Variants in KIAA1217 observed in about 807,000 individuals in gnomAD.
The protein encoded by KIAA1217 is KIAA1217.
In KIAA1217, 88 loss-of-function variants were observed where a neutral mutation model predicts 163.9. The observed-to-expected ratio is 0.54, with a 90% confidence interval of 0.45 to 0.64. The LOEUF is 0.64. Among genes scored for constraint, KIAA1217 ranks in the 30% least tolerant of loss-of-function variants. KIAA1217 has a pLI of 0.00. For missense variants in KIAA1217, 2,372 were observed against 2,475.0 expected (o/e 0.96, Z 0.88); for synonymous variants, 903 against 923.1 (o/e 0.98, Z 0.39).
At chr10:23,911,986 G>A (rs1842451026) in intron 1 of KIAA1217, among the ~76,000 whole-genome samples, 1 of 152,142 alleles carries the variant, frequency 6.6e-6, no homozygotes, top group South Asian at 2.1e-4. Context: ...GTAGGAGGCA[G>A]CCACTTAGCT....
intron 2 of KIAA1217, among the ~76,000 whole-genome samples, chr10:24,309,872 A>G (rs938234280): frequency 6.6e-6 from 1 of 152,200 alleles, no homozygotes; most frequent in African/African-American, 2.4e-5. Flanking sequence ...GCTACCACAA[A>G]GAGGGGCTTC....
chr10:23,717,987 T>C lies in KIAA1217; in HGVS notation c.-321+22753T>C, dbSNP rs12246236. Among the ~76,000 whole-genome samples, 1,104 of 152,360 alleles carry C rather than the reference T, an allele frequency of 7.2e-3. 20 individuals carry two copies. The highest frequency in any genetic ancestry group is 0.025 in the African/African-American group (1,059 of 41,588). ...TTTTTATAGCAATTACATAATTTTCTTGAATCATATTTTAGTGTAAAAATG... is the reference window on the plus strand; with the variant it reads ...TTTTTATAGCAATTACATAATTTTCCTGAATCATATTTTAGTGTAAAAATG... On this transcript the variant is annotated intron_variant, in intron 1 of 18. Transcript: ENST00000376462.
At chr10:23,757,677 C>G (rs1363705154) in intron 1 of KIAA1217, among the ~76,000 whole-genome samples, 1 of 152,086 alleles carries the variant, frequency 6.6e-6, no homozygotes, top group East Asian at 1.9e-4. Flanking sequence ...GCCACCACAC[C>G]TGGCTAATTT....
intron 1 of KIAA1217, among the ~76,000 whole-genome samples, chr10:23,718,434 A>C (rs1175420695): frequency 6.6e-6 from 1 of 152,196 alleles, no homozygotes; most frequent in Non-Finnish European, 1.5e-5. Flanking sequence ...ATAATGAAAG[A>C]TGTGTCCCAA....
chr10:24,309,867 C>T (rs941826910), intron 2 of KIAA1217, among the ~76,000 whole-genome samples: 4 of 152,188 alleles, frequency 2.6e-5, no homozygotes, highest in African/African-American at 4.8e-5. Flanking sequence ...ACTCTGCTAC[C>T]ACAAAGAGGG....
At chr10:24,067,143 C>T (rs1344874578) in intron 2 of KIAA1217, among the ~76,000 whole-genome samples, 1 of 152,184 alleles carries the variant, frequency 6.6e-6, no homozygotes, top group African/African-American at 2.4e-5. Flanking sequence ...TCTCTCAACT[C>T]GTCAAAGTCA....
At chr10:23,806,905 A>T (rs2130971886) in intron 1 of KIAA1217, among the ~76,000 whole-genome samples, 1 of 152,334 alleles carries the variant, frequency 6.6e-6, no homozygotes, top group East Asian at 1.9e-4. Context: ...TTGTCCCAGC[A>T]ATCCTAACTC....
At chr10:24,230,476 G>A (rs1002732553) in intron 2 of KIAA1217, among the ~76,000 whole-genome samples, 13 of 140,498 alleles carry the variant, frequency 9.3e-5, no homozygotes, top group African/African-American at 3.5e-4. Flanking sequence ...CTACAACTCT[G>A]TTGGGTAGGC....
At chr10:24,466,956 A>G (rs1433383411) in intron 5 of KIAA1217, among the ~76,000 whole-genome samples, 2 of 152,092 alleles carry the variant, frequency 1.3e-5, no homozygotes, top group Non-Finnish European at 2.9e-5. Flanking sequence ...TTCCTTTTCC[A>G]CAAGCAATAT....
chr10:23,702,138 C>A (rs1445562736), intron 1 of KIAA1217, among the ~76,000 whole-genome samples: 3 of 152,100 alleles, frequency 2.0e-5, no homozygotes, highest in Admixed American at 6.5e-5. Context: ...ATGGGGCCAA[C>A]AACCTTAAAG....
chr10:24,408,135 C>T lies in KIAA1217; in HGVS notation c.554-24860C>T, dbSNP rs184251832. On this transcript the variant is annotated intron_variant, in intron 3 of 20. Coordinates refer to ENST00000376454, the MANE Select transcript of KIAA1217 (RefSeq NM_019590.5). ...CAAATCATCCAACTACTCTTTGCTC[C>T]AGTTTCCTCATCAGTAAATGGATAT... Among the ~76,000 whole-genome samples, 72 of 152,314 alleles carry T rather than the reference C, an allele frequency of 4.7e-4. 1 individual carries two copies. Among genetic ancestry groups the T allele is most frequent in the Admixed American group, 3.8e-3 (58 of 15,300 alleles).
chr10:24,249,780 G>A (rs948351436), intron 2 of KIAA1217, among the ~76,000 whole-genome samples: 2 of 152,184 alleles, frequency 1.3e-5, no homozygotes, highest in African/African-American at 4.8e-5. Flanking sequence ...CCAAGGCTGA[G>A]ACTAGCCTAG....
chr10:23,850,946 G>A (rs1839280683), intron 1 of KIAA1217, among the ~76,000 whole-genome samples: 1 of 151,868 alleles, frequency 6.6e-6, no homozygotes, highest in Non-Finnish European at 1.5e-5. Context: ...AACAGCAAGG[G>A]GGAAATCCAC....
chr10:24,531,113 G>C (rs1323467371), intron 14 of KIAA1217, among the ~76,000 whole-genome samples: 1 of 152,134 alleles, frequency 6.6e-6, no homozygotes, highest in Non-Finnish European at 1.5e-5. Flanking sequence ...GCTAAGGTGG[G>C]AGGATCACCT....
chr10:23,868,409 C>T (rs535642692), intron 1 of KIAA1217, among the ~76,000 whole-genome samples: 6 of 152,082 alleles, frequency 3.9e-5, no homozygotes, highest in South Asian at 2.1e-4. Flanking sequence ...TTGCATTGTG[C>T]CCAGGGCTCT....
intron 2 of KIAA1217, chr10:24,158,574 G>T: frequency 2.0e-6 from 1 of 505,324 alleles, no homozygotes; most frequent in Admixed American, 2.1e-5. Flanking sequence ...AAACTGTAAT[G>T]GGAAGCACTG....
chr10:24,256,787 G>C (rs893623252), intron 2 of KIAA1217, among the ~76,000 whole-genome samples: 1 of 152,132 alleles, frequency 6.6e-6, no homozygotes, highest in African/African-American at 2.4e-5. Context: ...AGAGTGTTTC[G>C]TTCAGATATC....
intron 2 of KIAA1217, among the ~76,000 whole-genome samples, chr10:24,052,589 G>T (rs1849590904): frequency 1.1e-5 from 1 of 92,672 alleles, no homozygotes; most frequent in Non-Finnish European, 2.5e-5. Context: ...TTCAGTTCTT[G>T]GTGCTTCCAA....
At chr10:23,987,045 C>A (rs1228786190) in intron 1 of KIAA1217, among the ~76,000 whole-genome samples, 1 of 151,990 alleles carries the variant, frequency 6.6e-6, no homozygotes, top group Non-Finnish European at 1.5e-5. Flanking sequence ...CAGAGTGAAC[C>A]CATCATCTGT....
Sources: gnomAD v4.1 joint callset for allele counts (sites outside exome capture counted in the v4.1 genomes callset) on GRCh38, gnomAD v4.1.1 for gene constraint, MANE v1.5 for transcripts, NCBI Gene and HGNC (gene_info 2026-07-23, HGNC 2026-07-21) for gene names.